The following LAMA2 variants were observed in gnomAD, a reference collection of about 807,000 sequenced individuals.
LAMA2 encodes the protein laminin subunit alpha 2.
Under a neutral mutation model 364.8 loss-of-function variants are expected in LAMA2, and 269 were observed. The ratio of observed to expected loss-of-function variants is 0.74; its 90% CI spans 0.67 to 0.82. The LOEUF (loss-of-function observed/expected upper bound fraction) is 0.82, where lower values mean the gene tolerates loss of function less well. LAMA2 is among the 40% of genes least tolerant of loss of function. LAMA2 has a pLI of 0.00. For synonymous variants in LAMA2, 1,379 were observed against 1,370.6 expected, an observed-to-expected ratio of 1.01 and a Z score of -0.14; for missense variants, 3,807 against 3,873.2, an observed-to-expected ratio of 0.98 and a Z score of 0.45.
intron 1 of LAMA2, among the ~76,000 whole-genome samples, chr6:129,045,581 T>C (rs1380777996): frequency 6.6e-6 from 1 of 152,230 alleles, no homozygotes; most frequent in Non-Finnish European, 1.5e-5. Flanking sequence ...TATATGGGAA[T>C]TAAATAATAT....
In LAMA2 at chr6:129,260,784, TGTC is replaced by T; in HGVS notation, c.2171_2173del (p.Cys724_Gln725delinsTer). The T allele has an allele frequency of 6.2e-7, 1 of 1,612,144 alleles. No homozygotes were observed. The highest frequency in any genetic ancestry group is 8.5e-7 in the Non-Finnish European group (1 of 1,178,356). On this transcript the variant is annotated stop_gained and inframe_deletion, in exon 15 of 65. Transcript: ENST00000421865. LOFTEE classifies it high-confidence loss of function. The stretch of plus-strand genomic sequence containing the variant: ...AAGCATTGCAGCAGCTGTAGAAGTG[TGTC>T]AGTGCCCACCAGGGTATACTGGCTC...
intron 61 of LAMA2, 76 bp downstream of exon 61, chr6:129,505,431 C>T (rs1785981374): frequency 1.7e-6 from 2 of 1,185,872 alleles, no homozygotes; most frequent in Admixed American, 3.5e-5. Context: ...CTTATTAGGT[C>T]ACATGGGCCC....
intron 1 of LAMA2, among the ~76,000 whole-genome samples, chr6:129,045,395 T>A (rs1197676538): frequency 6.6e-6 from 1 of 152,192 alleles, no homozygotes; most frequent in African/African-American, 2.4e-5. Flanking sequence ...GGACCAGATT[T>A]TGGTTCTACT....
intron 55 of LAMA2, among the ~76,000 whole-genome samples, chr6:129,483,880 C>A (rs1449583175): frequency 2.6e-5 from 4 of 152,146 alleles, no homozygotes; most frequent in Non-Finnish European, 5.9e-5. Flanking sequence ...GTGAACTGTT[C>A]AGTGAATGAT....
Position 129,190,209 on chromosome 6 carries a change from A to T in LAMA2, c.1472A>T (p.Asn491Ile). The T allele has an allele frequency of 6.2e-7, 1 of 1,613,412 alleles. No individual in the cohort carries two copies. The highest frequency in any genetic ancestry group is 1.3e-5 in the African/African-American group (1 of 75,034). ...GATACATCTCTTTATTTGCAGGAAA[A>T]TGTTGAAGGAGGAGACTGTAGTCGT... ...PCFGPCICKE[N>I]VEGGDCSRCK... Residue 491 changes from asparagine (N) to isoleucine (I), a missense_variant, in exon 11 of 65, where the codon AAT becomes ATT. By Grantham distance (149) the Asn-to-Ile change is moderately radical. Transcript: ENST00000421865.
intron 1 of LAMA2, among the ~76,000 whole-genome samples, chr6:128,994,974 T>G (rs941059137): frequency 1.1e-4 from 17 of 152,154 alleles, no homozygotes; most frequent in African/African-American, 4.1e-4. Flanking sequence ...CAGTGACACA[T>G]TTAATTAGTT....
intron 40 of LAMA2, among the ~76,000 whole-genome samples, chr6:129,412,181 G>C (rs981718637): frequency 3.3e-5 from 5 of 152,140 alleles, no homozygotes; most frequent in African/African-American, 1.2e-4. Flanking sequence ...ATGAGATTGT[G>C]GGGTCTGGCT....
intron 40 of LAMA2, among the ~76,000 whole-genome samples, chr6:129,422,826 A>G (rs537042085): frequency 1.3e-5 from 2 of 152,264 alleles, no homozygotes; most frequent in Admixed American, 6.5e-5. Context: ...ATCCAACCTC[A>G]TTCTACGAGG....
intron 39 of LAMA2, among the ~76,000 whole-genome samples, chr6:129,403,138 C>G (rs1583667941): frequency 6.6e-6 from 1 of 151,982 alleles, no homozygotes; most frequent in East Asian, 1.9e-4. Context: ...TGCTATTAGC[C>G]CCAAGAATAA....
intron 29 of LAMA2, among the ~76,000 whole-genome samples, chr6:129,332,375 C>A (rs1775706712): frequency 6.6e-6 from 1 of 152,118 alleles, no homozygotes; most frequent in Admixed American, 6.6e-5. Context: ...GCTCTTATTA[C>A]AATGTTCTGC....
intron 12 of LAMA2, among the ~76,000 whole-genome samples, chr6:129,216,709 A>C (rs1314198789): frequency 6.6e-6 from 1 of 152,176 alleles, no homozygotes; most frequent in East Asian, 1.9e-4. Flanking sequence ...AACTAATATG[A>C]AGTGCAATTT....
At chr6:129,498,601 C>T (rs1689204884) in intron 58 of LAMA2, among the ~76,000 whole-genome samples, 1 of 152,162 alleles carries the variant, frequency 6.6e-6, no homozygotes, top group South Asian at 2.1e-4. Context: ...GTATCTTCCA[C>T]TTATTCATCC....
chr6:128,956,683 T>A (rs1781168485), intron 1 of LAMA2, among the ~76,000 whole-genome samples: 1 of 152,124 alleles, frequency 6.6e-6, no homozygotes, highest in Non-Finnish European at 1.5e-5. Flanking sequence ...CTTTTCCTAT[T>A]GTTCTCTGTC....
intron 59 of LAMA2, 110 bp downstream of exon 59, chr6:129,502,881 C>T: frequency 3.4e-6 from 3 of 889,948 alleles, no homozygotes; most frequent in Non-Finnish European, 5.5e-6. Context: ...GTTAGCTTTT[C>T]TTTTATTCAC....
At chr6:129,406,411 A>G (rs1285815439) in intron 40 of LAMA2, among the ~76,000 whole-genome samples, 1 of 152,236 alleles carries the variant, frequency 6.6e-6, no homozygotes, top group African/African-American at 2.4e-5. Context: ...TCATGAAATA[A>G]CAAATGCTAT....
chr6:129,505,362 A>T lies in LAMA2; in HGVS notation c.8703+7A>T. 1 of 1,607,014 alleles carries T rather than the reference A, an allele frequency of 6.2e-7. No individual in the cohort carries two copies. ...TACCCGAAGAATTGGTCCAGTAAATATCTGATTTCTTCTTTATTACTTAAA... is the reference window on the plus strand; with the variant it reads ...TACCCGAAGAATTGGTCCAGTAAATTTCTGATTTCTTCTTTATTACTTAAA... On this transcript the variant is annotated splice_region_variant and intron_variant, in intron 61 of 64. Transcript: ENST00000421865.
intron 34 of LAMA2, among the ~76,000 whole-genome samples, chr6:129,381,083 C>T (rs779552247): frequency 7.2e-5 from 11 of 152,040 alleles, no homozygotes; most frequent in Non-Finnish European, 1.6e-4. Context: ...TTTGGTAATA[C>T]AGAAAATATA....
intron 2 of LAMA2, among the ~76,000 whole-genome samples, chr6:129,052,916 A>T (rs1788185614): frequency 6.6e-6 from 1 of 151,814 alleles, no homozygotes; most frequent in Non-Finnish European, 1.5e-5. Context: ...TTAGGAATGC[A>T]GAAAACATTA....
At chr6:129,171,294 C>G (rs1287144070) in intron 9 of LAMA2, among the ~76,000 whole-genome samples, 2 of 151,418 alleles carry the variant, frequency 1.3e-5, no homozygotes, top group African/African-American at 4.9e-5. Context: ...ATTTGGCATG[C>G]TTTTGCAGTG....
Sources: allele counts gnomAD v4.1 joint callset (sites outside exome capture counted in the v4.1 genomes callset), GRCh38; gene constraint gnomAD v4.1.1; transcripts MANE v1.5; gene names NCBI Gene and HGNC (gene_info 2026-07-23, HGNC 2026-07-21).